UBAC1: variants seen among roughly 807,000 people sequenced by gnomAD.
UBAC1 encodes the protein ubiquitin-associated domain-containing protein 1.
In UBAC1, 27 loss-of-function variants were observed where a neutral mutation model predicts 45.9. That is an observed-to-expected ratio of 0.59 (90% CI 0.43 to 0.81). UBAC1 has a LOEUF of 0.81. Among genes scored for constraint, UBAC1 ranks in the 30% least tolerant of loss-of-function variants. UBAC1 has a pLI of 0.00. For synonymous variants in UBAC1, 227 were observed against 215.5 expected, an observed-to-expected ratio of 1.05 and a Z score of -0.47; for missense variants, 529 against 539.2, an observed-to-expected ratio of 0.98 and a Z score of 0.19.
intron 7 of UBAC1, among the ~76,000 whole-genome samples, chr9:135,944,432 T>A (rs918033163): frequency 2.6e-5 from 4 of 152,196 alleles, no homozygotes; most frequent in Non-Finnish European, 5.9e-5. Flanking sequence ...CATCTGAGCA[T>A]GTCGGAGACA....
intron 3 of UBAC1, 49 bp downstream of exon 3, chr9:135,953,631 T>C (rs753683257): frequency 2.1e-5 from 32 of 1,537,756 alleles, no homozygotes; most frequent in African/African-American, 2.7e-5. Flanking sequence ...AATTCTTAAA[T>C]GTAGACTTCT....
intron 9 of UBAC1, among the ~76,000 whole-genome samples, chr9:135,935,051 T>C (rs1238865465): frequency 6.6e-6 from 1 of 152,108 alleles, no homozygotes; most frequent in African/African-American, 2.4e-5. Flanking sequence ...CTGGCTGATT[T>C]TGTTTTTTTG....
Position 135,945,123 on chromosome 9 carries a change from CGGCAGCCTCGGAGGCAGCTGCTGT to C in UBAC1, c.757_780del (p.Thr253_Ala260del), listed in dbSNP as rs1564196458. ...TCCTCATCGGTGGCGCTGGCTCCCG[CGGCAGCCTCGGAGGCAGCTGCTGT>C]GGCCCCCTCGGCCTCTGGGGGAGCT... On this transcript the variant is annotated inframe_deletion, in exon 7 of 10. Transcript: ENST00000371756. 4 of 1,614,048 alleles carry C rather than the reference CGGCAGCCTCGGAGGCAGCTGCTGT, an allele frequency of 2.5e-6. No homozygotes were observed. Among genetic ancestry groups the C allele is most frequent in the Non-Finnish European group, 3.4e-6 (4 of 1,179,984 alleles).
intron 9 of UBAC1, among the ~76,000 whole-genome samples, chr9:135,934,647 G>A (rs1279722020): frequency 1.3e-5 from 2 of 152,168 alleles, no homozygotes; most frequent in Non-Finnish European, 2.9e-5. Flanking sequence ...GCAGCAGAGT[G>A]AGACTCCGTC....
intron 8 of UBAC1, among the ~76,000 whole-genome samples, chr9:135,939,192 C>A (rs1311604076): frequency 4.0e-5 from 6 of 149,042 alleles, no homozygotes; most frequent in African/African-American, 1.5e-4. Flanking sequence ...CAGAGTGAGA[C>A]CCTGACTCCA....
At chr9:135,942,213 C>T (rs1174249206) in intron 7 of UBAC1, 1 of 152,236 alleles carries the variant, frequency 6.6e-6, no homozygotes, top group Non-Finnish European at 1.5e-5. Flanking sequence ...AGTCCAACCT[C>T]AGAGCACAAG....
chr9:135,940,790 A>T (rs1370376614), intron 7 of UBAC1, among the ~76,000 whole-genome samples: 2 of 152,198 alleles, frequency 1.3e-5, no homozygotes, highest in Non-Finnish European at 2.9e-5. Flanking sequence ...TAAATAAGTA[A>T]GATGAAGGCT....
intron 9 of UBAC1, among the ~76,000 whole-genome samples, chr9:135,934,329 C>T (rs1839180581): frequency 6.6e-6 from 1 of 152,172 alleles, no homozygotes; most frequent in Admixed American, 6.5e-5. Context: ...AAACAATCCT[C>T]TGGTGTTCTG....
intron 9 of UBAC1, among the ~76,000 whole-genome samples, chr9:135,937,547 A>G (rs1241863900): frequency 6.6e-6 from 1 of 152,110 alleles, no homozygotes; most frequent in Admixed American, 6.6e-5. Flanking sequence ...AACCCCCACA[A>G]AGAACGCAGT....
rs145491392 is a variant in UBAC1 at position 135,956,058 on chromosome 9, G to A, written c.139-643C>T. ...GGCTTGAAGGTGGACCAATGGGCAC[G>A]CAGTCACCAGGGCCCTGGAAACCCT... is the stretch of plus-strand genomic sequence containing the variant. On this transcript the variant is annotated intron_variant, in intron 1 of 9. Transcript: ENST00000371756. Among the ~76,000 whole-genome samples the A allele has an allele frequency of 7.5e-3, 1,142 of 152,318 alleles. 9 individuals are homozygous for A. The highest frequency in any genetic ancestry group is 0.012 in the Non-Finnish European group (850 of 68,032).
chr9:135,961,227 C>T lies in UBAC1; in HGVS notation c.-65G>A. ...CCCTGAAGGTCACCGGGAAGGCGGG[C>T]GGGGAGGGGGCGGGGCCAGACCGCC... On this transcript the variant is annotated 5_prime_UTR_variant, in exon 1 of 10. Transcript: ENST00000371756. 2.1e-6 allele frequency: 3 copies of T among 1,412,098 alleles called. No individual in the cohort carries two copies. The highest frequency in any genetic ancestry group is 1.5e-5 in the African/African-American group (1 of 64,984). 87.5% of individuals were successfully genotyped at this position (1,412,098 alleles called of 1,614,324 possible).
intron 4 of UBAC1, 160 bp downstream of exon 4, chr9:135,947,638 A>G: frequency 2.0e-6 from 1 of 494,846 alleles, no homozygotes; most frequent in South Asian, 3.9e-5. Flanking sequence ...TGATTTACAG[A>G]AAAAATGCAA....
chr9:135,953,151 C>T lies in UBAC1; in HGVS notation c.333+529G>A, dbSNP rs370619971. Reference sequence around the variant, plus strand: ...TCAGAAAACTCAGAGGCAGGTTTTCCGTGCTGGTCCCGTGAGCAGGGAGGG... The same window carrying T: ...TCAGAAAACTCAGAGGCAGGTTTTCTGTGCTGGTCCCGTGAGCAGGGAGGG... On this transcript the variant is annotated intron_variant, in intron 3 of 9. Transcript: ENST00000371756. Among the ~76,000 whole-genome samples, 18 of 152,294 alleles carry T rather than the reference C, an allele frequency of 1.2e-4. No individual in the cohort carries two copies. In the East Asian group the frequency reaches 2.1e-3, roughly 18 times the overall value.
At chr9:135,947,726 C>T in intron 4 of UBAC1, 72 bp downstream of exon 4, 1 of 1,324,418 alleles carries the variant, frequency 7.6e-7, no homozygotes, top group East Asian at 2.4e-5. Context: ...CCCCGCCCCG[C>T]AGGAACCCCC....
At chr9:135,953,464 G>A (rs1474368545) in intron 3 of UBAC1, among the ~76,000 whole-genome samples, 1 of 152,122 alleles carries the variant, frequency 6.6e-6, no homozygotes, top group African/African-American at 2.4e-5. Flanking sequence ...CTACAGGCAT[G>A]AGCCACCATG....
chr9:135,939,431 C>T (rs540530141), intron 8 of UBAC1, among the ~76,000 whole-genome samples: 1 of 152,122 alleles, frequency 6.6e-6, no homozygotes, highest in Non-Finnish European at 1.5e-5. Flanking sequence ...TCCCAGCACT[C>T]GCCCAGCCTG....
chr9:135,950,066 A>G (rs991172162), intron 3 of UBAC1, among the ~76,000 whole-genome samples: 2 of 152,216 alleles, frequency 1.3e-5, no homozygotes, highest in African/African-American at 4.8e-5. Context: ...AACCGCCGGA[A>G]GACCTCAGAA....
chr9:135,946,228 A>G, intron 5 of UBAC1, 41 bp downstream of exon 5: 2 of 1,429,676 alleles, frequency 1.4e-6, no homozygotes, highest in South Asian at 2.3e-5. Flanking sequence ...CAAGGCCGGC[A>G]GTGAACCGCC....
chr9:135,939,513 C>T (rs1839242692), intron 8 of UBAC1, among the ~76,000 whole-genome samples, 160 bp downstream of exon 8: 1 of 148,518 alleles, frequency 6.7e-6, no homozygotes, highest in South Asian at 2.1e-4. Context: ...ACTCAGCCCA[C>T]ACTCACTCAT....
Sources: allele counts gnomAD v4.1 joint callset (sites outside exome capture counted in the v4.1 genomes callset), GRCh38; gene constraint gnomAD v4.1.1; transcripts MANE v1.5; gene names NCBI Gene and HGNC (gene_info 2026-07-23, HGNC 2026-07-21).